The following RNF111 variants were observed in gnomAD, a reference collection of about 807,000 sequenced individuals.
The protein encoded by RNF111 is ring finger protein 111, also known as E3 ubiquitin-protein ligase Arkadia.
RNF111 carries 17 observed loss-of-function variants against 95.1 expected under a neutral mutation model. That is an observed-to-expected ratio of 0.18 (90% CI 0.12 to 0.27). The LOEUF is 0.27. RNF111 is among the 10% of genes least tolerant of loss of function. RNF111 has a pLI of 1.00. For synonymous variants in RNF111, 440 were observed against 414.8 expected (o/e 1.06, Z -0.74); for missense variants, 1,189 against 1,210.4 (o/e 0.98, Z 0.26).
At position 59,091,157 on chromosome 15, in the gene RNF111, A is replaced by C. The variant is rs551803407; in HGVS notation, c.2739+3A>C. The C allele has an allele frequency of 1.5e-5, 23 of 1,547,298 alleles. No individual in the cohort carries two copies. The highest frequency in any genetic ancestry group is 1.7e-4 in the Middle Eastern group (1 of 5,922). The stretch of plus-strand genomic sequence containing the variant: ...CATATCCACATAAATACAAAAAGGT[A>C]AGAATTTATTCTATGAAACTTCTGG... On this transcript the variant is annotated splice_donor_region_variant and intron_variant, in intron 12 of 13. Transcript: ENST00000348370.
intron 2 of RNF111, among the ~76,000 whole-genome samples, chr15:59,046,389 C>T (rs1018470393): frequency 2.0e-5 from 3 of 152,124 alleles, no homozygotes; most frequent in African/African-American, 2.4e-5. Flanking sequence ...AATGAGGTTT[C>T]ACCATGTTAC....
chr15:59,048,666 G>A (rs2041826338), intron 2 of RNF111, among the ~76,000 whole-genome samples: 1 of 152,130 alleles, frequency 6.6e-6, no homozygotes, highest in African/African-American at 2.4e-5. Context: ...TGTATTGACA[G>A]GTGATAGTAA....
At chr15:58,995,891 CT>C (rs2039049958) in intron 1 of RNF111, among the ~76,000 whole-genome samples, 1 of 150,132 alleles carries the variant, frequency 6.7e-6, no homozygotes, top group African/African-American at 2.5e-5. Flanking sequence ...ACCCTGGTTC[CT>C]TTTAGTGAGC....
chr15:59,076,396 A>G (rs1324353989), intron 7 of RNF111, among the ~76,000 whole-genome samples, 181 bp downstream of exon 7: 5 of 152,212 alleles, frequency 3.3e-5, no homozygotes, highest in Admixed American at 3.3e-4. Flanking sequence ...TGGAAGTTTT[A>G]AGGAATTTAG....
intron 5 of RNF111, among the ~76,000 whole-genome samples, 155 bp from the exon 6 acceptor site, chr15:59,066,609 C>CA (rs1244041703): frequency 1.4e-4 from 21 of 146,788 alleles, no homozygotes; most frequent in South Asian, 2.2e-4. Flanking sequence ...GACTCCATCT[C>CA]AAAAAAAAAA....
intron 13 of RNF111, among the ~76,000 whole-genome samples, chr15:59,093,851 C>G (rs1347270985): frequency 2.0e-5 from 3 of 152,004 alleles, no homozygotes; most frequent in Non-Finnish European, 4.4e-5. Context: ...CACTGTATTT[C>G]TAATGAAGGT....
intron 1 of RNF111, among the ~76,000 whole-genome samples, chr15:59,029,122 A>G (rs1475239890): frequency 2.0e-5 from 3 of 152,000 alleles, no homozygotes. Context: ...TTCCCAAAGT[A>G]GCTTGTATCA....
At chr15:59,035,695 A>C (rs1199082190) in intron 2 of RNF111, among the ~76,000 whole-genome samples, 1 of 152,244 alleles carries the variant, frequency 6.6e-6, no homozygotes, top group Non-Finnish European at 1.5e-5. Flanking sequence ...AAGGTTCCAC[A>C]GACCTCTAAG....
intron 1 of RNF111, among the ~76,000 whole-genome samples, chr15:58,988,617 C>T (rs1459845165): frequency 1.3e-5 from 2 of 152,188 alleles, no homozygotes; most frequent in African/African-American, 4.8e-5. Context: ...AGTGTCAGTG[C>T]TATAGTGGGA....
At chr15:59,069,073 CAAAAAAAAA>C (rs397853868) in intron 6 of RNF111, among the ~76,000 whole-genome samples, 1 of 89,516 alleles carries the variant, frequency 1.1e-5, no homozygotes, top group Non-Finnish European at 2.3e-5. Context: ...GACTCCGTCT[CAAAAAAAAA>C]AAAAAAAAAA....
chr15:59,085,899 A>C, intron 10 of RNF111, 114 bp downstream of exon 10: 2 of 909,266 alleles, frequency 2.2e-6, no homozygotes, highest in Non-Finnish European at 3.2e-6. Flanking sequence ...TTTGAGAGTA[A>C]TCTTGTTAGC....
At chr15:59,025,081 G>T (rs1247319619) in intron 1 of RNF111, among the ~76,000 whole-genome samples, 1 of 152,206 alleles carries the variant, frequency 6.6e-6, no homozygotes, top group Non-Finnish European at 1.5e-5. Flanking sequence ...GTGGACACTT[G>T]AGATGCTTCC....
At chr15:59,065,764 T>C (rs1300561769) in intron 5 of RNF111, among the ~76,000 whole-genome samples, 3 of 152,080 alleles carry the variant, frequency 2.0e-5, no homozygotes. Flanking sequence ...CCAAGTACTT[T>C]GGGATGCTGA....
rs543129977 is a variant in RNF111 at position 59,019,485 on chromosome 15, G to A, written c.-19-11319G>A. ...TGTTCATCCAGAAATGAGGTCTCTCGCTCTTTACTAGGATTGTCTGTTACA... is the reference window on the plus strand; with the variant it reads ...TGTTCATCCAGAAATGAGGTCTCTCACTCTTTACTAGGATTGTCTGTTACA... On this transcript the variant is annotated intron_variant, in intron 1 of 13. Coordinates refer to ENST00000348370, the MANE Select transcript of RNF111 (RefSeq NM_017610.8). Among the ~76,000 whole-genome samples the A allele has an allele frequency of 2.0e-5, 3 of 152,176 alleles. No individual in the cohort carries two copies. The East Asian group carries it at 5.8e-4, about 29-fold the overall frequency.
intron 6 of RNF111, among the ~76,000 whole-genome samples, chr15:59,074,256 C>G (rs1290467657): frequency 6.6e-6 from 1 of 152,166 alleles, no homozygotes; most frequent in Admixed American, 6.5e-5. Flanking sequence ...CTACATTAGA[C>G]CCTAACAAGA....
intron 1 of RNF111, among the ~76,000 whole-genome samples, chr15:58,999,635 C>T (rs191393934): frequency 3.0e-4 from 45 of 152,258 alleles, no homozygotes; most frequent in Admixed American, 2.9e-3. Flanking sequence ...TGTGCCCGGC[C>T]TATTACTGCA....
rs781215536 is a variant in RNF111 at position 59,084,073 on chromosome 15, G to T, written c.2298-56G>T. ...GGGATTTTTTTCTACATTAAGAAAAGAAATAACCAATTATTCAATTATTTC... is the reference window on the plus strand; with the variant it reads ...GGGATTTTTTTCTACATTAAGAAAATAAATAACCAATTATTCAATTATTTC... On this transcript the variant is annotated intron_variant, in intron 8 of 13. Coordinates refer to ENST00000348370, the MANE Select transcript of RNF111 (RefSeq NM_017610.8). The T allele has an allele frequency of 8.7e-6, 13 of 1,496,944 alleles. No individual in the cohort carries two copies. The Admixed American group carries it at 1.1e-4, about 12-fold the overall frequency. 92.7% of individuals were successfully genotyped at this position (1,496,944 alleles called of 1,614,324 possible). A position where few individuals can be genotyped will look rare whatever the true frequency, so the allele number is the denominator to read the frequency against.
At chr15:59,077,147 A>G (rs1215135073) in intron 7 of RNF111, among the ~76,000 whole-genome samples, 6 of 152,360 alleles carry the variant, frequency 3.9e-5, no homozygotes, top group East Asian at 3.9e-4. Context: ...CAATGGGCCA[A>G]TTCTTTGTAT....
At chr15:59,055,655 A>G (rs2042172162) in intron 3 of RNF111, 27 bp from the exon 4 acceptor site, 9 of 1,500,062 alleles carry the variant, frequency 6.0e-6, no homozygotes, top group Non-Finnish European at 8.1e-6. Flanking sequence ...ATTTATATTT[A>G]CTAACTTAAT....
Sources: gnomAD v4.1 joint callset for allele counts (sites outside exome capture counted in the v4.1 genomes callset) on GRCh38, gnomAD v4.1.1 for gene constraint, MANE v1.5 for transcripts, NCBI Gene and HGNC (gene_info 2026-07-23, HGNC 2026-07-21) for gene names.